BICC1: variants seen among roughly 807,000 people sequenced by gnomAD.
BICC1 encodes the protein BicC family RNA binding protein 1.
In BICC1, 43 loss-of-function variants were observed where a neutral mutation model predicts 111.0. The observed-to-expected ratio is 0.39, with a 90% CI of 0.30 to 0.50. The LOEUF (loss-of-function observed/expected upper bound fraction) is 0.50. Ranked by LOEUF, BICC1 falls within the 20% of genes least tolerant of loss-of-function variation. The pLI, the probability that BICC1 is intolerant of heterozygous loss-of-function variation, is 0.88. For missense variants in BICC1, 1,091 were observed against 1,203.2 expected, an observed-to-expected ratio of 0.91 and a Z score of 1.38; for synonymous variants, 467 against 434.4, an observed-to-expected ratio of 1.07 and a Z score of -0.93.
chr10:58,536,632 A>T (rs1483339784), intron 1 of BICC1, among the ~76,000 whole-genome samples: 2 of 151,824 alleles, frequency 1.3e-5, no homozygotes, highest in African/African-American at 4.8e-5. Flanking sequence ...CAAATTGACA[A>T]GCTAATGTCA....
At chr10:58,628,761 T>TA (rs1312013613) in intron 2 of BICC1, among the ~76,000 whole-genome samples, 1 of 152,232 alleles carries the variant, frequency 6.6e-6, no homozygotes, top group Non-Finnish European at 1.5e-5. Context: ...TAGGCACTGT[T>TA]ACATTGGTCA....
At chr10:58,517,500 T>C (rs1030443417) in intron 1 of BICC1, among the ~76,000 whole-genome samples, 1 of 152,154 alleles carries the variant, frequency 6.6e-6, no homozygotes, top group Non-Finnish European at 1.5e-5. Flanking sequence ...GGAAGAAATA[T>C]GAAGCCAAAA....
Position 58,659,494 on chromosome 10 carries a change from A to G in BICC1, c.237+38593A>G, listed in dbSNP as rs115778720. 3.8e-3 allele frequency among the ~76,000 whole-genome samples: 576 copies of G among 152,302 alleles called. 1 individual carries two copies. Among genetic ancestry groups the G allele is most frequent in the African/African-American group, 0.013 (543 of 41,552 alleles). ...AACTAACACAGGAGCAGAAAACCAA[A>G]CACCATGTATTCTCACTTATAAGTG... On this transcript the variant is annotated intron_variant, in intron 2 of 20. Coordinates refer to ENST00000373886, the MANE Select transcript of BICC1 (RefSeq NM_001080512.3).
intron 1 of BICC1, among the ~76,000 whole-genome samples, chr10:58,554,488 T>C (rs189247286): frequency 9.3e-4 from 142 of 152,294 alleles, no homozygotes; most frequent in Non-Finnish European, 1.8e-3. Flanking sequence ...ATAAACGCCT[T>C]AGGCAAACAG....
intron 1 of BICC1, among the ~76,000 whole-genome samples, chr10:58,566,289 C>T (rs368388306): frequency 6.6e-6 from 1 of 151,552 alleles, no homozygotes; most frequent in Non-Finnish European, 1.5e-5. Context: ...TAGATACAAA[C>T]ATGTACACAC....
chr10:58,651,138 C>T (rs928831065), intron 2 of BICC1, among the ~76,000 whole-genome samples: 11 of 152,146 alleles, frequency 7.2e-5, no homozygotes, highest in African/African-American at 2.2e-4. Context: ...ACCTTAATTG[C>T]CCATTTGTCT....
chr10:58,526,867 G>T (rs1487781589), intron 1 of BICC1, among the ~76,000 whole-genome samples: 1 of 152,162 alleles, frequency 6.6e-6, no homozygotes, highest in Admixed American at 6.5e-5. Context: ...TTGCTATTGT[G>T]AATAGTGCCA....
chr10:58,777,983 G>A (rs1165568078), intron 3 of BICC1, among the ~76,000 whole-genome samples: 1 of 152,002 alleles, frequency 6.6e-6, no homozygotes, highest in Non-Finnish European at 1.5e-5. Context: ...ACTTTGGGAG[G>A]CCGAGTCAAT....
chr10:58,682,460 T>A (rs1839560314), intron 2 of BICC1, among the ~76,000 whole-genome samples: 1 of 152,228 alleles, frequency 6.6e-6, no homozygotes, highest in Non-Finnish European at 1.5e-5. Context: ...TCCACAGTGG[T>A]TGAACTAGTT....
chr10:58,521,781 T>G lies in BICC1; in HGVS notation c.190+8448T>G, dbSNP rs1450110162. On this transcript the variant is annotated intron_variant, in intron 1 of 20. Coordinates refer to ENST00000373886, the MANE Select transcript of BICC1 (RefSeq NM_001080512.3). ...AGGGAATGTGGTGTTTTTTTTTTTT[T>G]TTTTTTTTTTTTTTTTTTTTTTTTT... Among the ~76,000 whole-genome samples the G allele has an allele frequency of 3.8e-4, 11 of 29,330 alleles. No homozygotes were observed. In the South Asian group the frequency reaches 4.7e-3, roughly 12 times the overall value. The allele number at this position is 29,330 out of a possible 152,430, so 19.2% of individuals were successfully genotyped here.
rs1843106312 is a variant in BICC1, at chr10:58,789,341, C to G, written c.680C>G (p.Ser227Cys). Residue 227 changes from serine to cysteine, a missense_variant, in exon 7 of 21, where the codon TCT becomes TGT. Coordinates refer to ENST00000373886, the MANE Select transcript of BICC1 (RefSeq NM_001080512.3). ...LQPVPDPNSPSIQHISQTYNI... is the reference protein window; with the variant it reads ...LQPVPDPNSPCIQHISQTYNI... The stretch of plus-strand genomic sequence containing the variant: ...CCGGTTCCTGATCCTAATTCCCCCT[C>G]TATTCAGCATATATCACAAACGTAC... 2 of 1,613,894 alleles carry G rather than the reference C, an allele frequency of 1.2e-6. No individual in the cohort carries two copies. Among genetic ancestry groups the G allele is most frequent in the African/African-American group, 2.7e-5 (2 of 74,910 alleles).
intron 2 of BICC1, among the ~76,000 whole-genome samples, chr10:58,623,752 A>G (rs1170440508): frequency 6.6e-6 from 1 of 152,074 alleles, no homozygotes. Context: ...TTGGTGAGGG[A>G]GATAGAATAT....
intron 9 of BICC1, among the ~76,000 whole-genome samples, chr10:58,795,812 A>G (rs535027215): frequency 6.6e-6 from 1 of 152,352 alleles, no homozygotes; most frequent in East Asian, 1.9e-4. Flanking sequence ...TCATACCTCA[A>G]GGTCTATTAG....
chr10:58,693,273 A>G (rs1470992837), intron 2 of BICC1, among the ~76,000 whole-genome samples: 3 of 152,114 alleles, frequency 2.0e-5, no homozygotes, highest in Non-Finnish European at 4.4e-5. Context: ...TTGGACATTT[A>G]GTTTGGTTCC....
At chr10:58,575,395 G>A (rs1844081681) in intron 1 of BICC1, among the ~76,000 whole-genome samples, 1 of 152,082 alleles carries the variant, frequency 6.6e-6, no homozygotes. Flanking sequence ...CTAATTGCCA[G>A]CCCTGAGAAG....
chr10:58,715,537 G>C, intron 3 of BICC1: 1 of 1,442,174 alleles, frequency 6.9e-7, no homozygotes, highest in Admixed American at 1.7e-5. Flanking sequence ...GTGCCACTGT[G>C]TGCTCAGTCC....
At chr10:58,571,052 C>A (rs1055467058) in intron 1 of BICC1, among the ~76,000 whole-genome samples, 7 of 152,122 alleles carry the variant, frequency 4.6e-5, no homozygotes, top group Non-Finnish European at 8.8e-5. Flanking sequence ...GTATCCAGTG[C>A]ATTCTAGACT....
At chr10:58,728,173 C>T (rs1841172290) in intron 3 of BICC1, among the ~76,000 whole-genome samples, 1 of 152,168 alleles carries the variant, frequency 6.6e-6, no homozygotes, top group Non-Finnish European at 1.5e-5. Context: ...TGAAAGATTT[C>T]TCTGTAGCAT....
intron 3 of BICC1, among the ~76,000 whole-genome samples, chr10:58,769,404 G>GTGTATATATATATATATATATATATA (rs1050060686): frequency 1.8e-5 from 2 of 109,758 alleles, no homozygotes; most frequent in Admixed American, 9.2e-5. Context: ...GTGTGTGTGT[G>GTGTATATATATATATATATATATATA]TATATATATA....
Sources: gnomAD v4.1 joint callset for allele counts (sites outside exome capture counted in the v4.1 genomes callset) on GRCh38, gnomAD v4.1.1 for gene constraint, MANE v1.5 for transcripts, NCBI Gene and HGNC (gene_info 2026-07-23, HGNC 2026-07-21) for gene names.